The following ADAMTS9 variants were observed in gnomAD, a reference collection of about 807,000 sequenced individuals.
The protein encoded by ADAMTS9 is A disintegrin and metalloproteinase with thrombospondin motifs 9.
Under a neutral mutation model 257.1 loss-of-function variants are expected in ADAMTS9, and 107 were observed. That is an observed-to-expected ratio of 0.42 (90% CI 0.36 to 0.49). The LOEUF is 0.49. ADAMTS9 is among the 20% of genes least tolerant of loss of function. The probability of loss-of-function intolerance (pLI) is 0.03; values close to 1 mark genes in which losing one functional copy is unlikely to be tolerated. For synonymous variants in ADAMTS9, 982 were observed against 880.9 expected (o/e 1.11, Z -2.03); for missense variants, 2,353 against 2,469.1 (o/e 0.95, Z 1.00).
At chr3:64,535,552 CTTT>C (rs57945713) in intron 37 of ADAMTS9, among the ~76,000 whole-genome samples, 30 of 84,668 alleles carry the variant, frequency 3.5e-4, no homozygotes, top group African/African-American at 6.1e-4. Flanking sequence ...CTTTTCTTTT[CTTT>C]TTTTTTTTTT....
rs561621071 is a variant in ADAMTS9 at position 64,638,540 on chromosome 3, C to A, written c.1856+3308G>T. On this transcript the variant is annotated intron_variant, in intron 12 of 39. Coordinates refer to ENST00000498707, the MANE Select transcript of ADAMTS9 (RefSeq NM_182920.2). ...TCAGGGCAACAGATAGAACAAGGGA[C>A]TGTCCTTGTAAACCAGAACTATGAT... Among the ~76,000 whole-genome samples the A allele has an allele frequency of 8.2e-4, 125 of 152,266 alleles. 1 individual carries two copies. Among genetic ancestry groups the A allele is most frequent in the African/African-American group, 2.9e-3 (120 of 41,556 alleles).
chr3:64,614,077 G>T (rs73832348), intron 21 of ADAMTS9, among the ~76,000 whole-genome samples: 1 of 151,950 alleles, frequency 6.6e-6, no homozygotes, highest in African/African-American at 2.4e-5. Context: ...CCAAAATCTC[G>T]CTACCCAAGG....
At chr3:64,561,065 C>CTTCTTTT (rs1553703268) in intron 30 of ADAMTS9, among the ~76,000 whole-genome samples, 1 of 83,598 alleles carries the variant, frequency 1.2e-5, no homozygotes, top group Non-Finnish European at 3.4e-5. Flanking sequence ...AGATACCATC[C>CTTCTTTT]TTTTTTTTTT....
chr3:64,568,559 G>A, intron 28 of ADAMTS9, 24 bp from the exon 29 acceptor site: 1 of 1,606,928 alleles, frequency 6.2e-7, no homozygotes, highest in Non-Finnish European at 8.5e-7. Context: ...CAATGGCAAG[G>A]TTGTTGTTGT....
rs758466732 is a variant in ADAMTS9 at position 64,647,988 on chromosome 3, C to T, written c.1662G>A (p.Arg554=). The change falls in exon 11 of 40, where the codon CGG becomes CGA. Residue 554 remains arginine (R), a synonymous_variant. Coordinates refer to ENST00000498707, the MANE Select transcript of ADAMTS9 (RefSeq NM_182920.2). ...NNVNGVHKGC[R]TQHTPWADGT... Reference sequence around the variant, plus strand: ...CATCGGCCCAGGGTGTGTGCTGAGTCCGGCAGCCTTTGTGTACTCCATTGA... The same window carrying T: ...CATCGGCCCAGGGTGTGTGCTGAGTTCGGCAGCCTTTGTGTACTCCATTGA... 7 of 1,613,788 alleles carry T rather than the reference C, an allele frequency of 4.3e-6. No individual in the cohort carries two copies. In the African/African-American group the frequency reaches 8.0e-5, roughly 18 times the overall value.
intron 37 of ADAMTS9, among the ~76,000 whole-genome samples, chr3:64,536,043 G>C (rs933482586): frequency 1.3e-5 from 2 of 152,108 alleles, no homozygotes; most frequent in South Asian, 4.1e-4. Context: ...GAAGTTTTCC[G>C]GAGGTCCAGG....
chr3:64,597,591 T>G (rs2084388954), intron 26 of ADAMTS9, among the ~76,000 whole-genome samples: 1 of 152,170 alleles, frequency 6.6e-6, no homozygotes, highest in Non-Finnish European at 1.5e-5. Context: ...GTAGTAAGAC[T>G]TGTTTTATTT....
At chr3:64,651,360 T>G (rs2106947628) in intron 8 of ADAMTS9, among the ~76,000 whole-genome samples, 197 bp from the exon 9 acceptor site, 1 of 151,868 alleles carries the variant, frequency 6.6e-6, no homozygotes, top group Admixed American at 6.6e-5. Flanking sequence ...CTCACCCAAC[T>G]TAATACGAAG....
intron 22 of ADAMTS9, among the ~76,000 whole-genome samples, chr3:64,612,796 A>G (rs990358121): frequency 1.1e-4 from 17 of 152,204 alleles, no homozygotes; most frequent in African/African-American, 4.1e-4. Context: ...GAATAGCTCA[A>G]GTTAAGACTG....
At chr3:64,672,494 C>T (rs994594690) in intron 3 of ADAMTS9, among the ~76,000 whole-genome samples, 1 of 152,116 alleles carries the variant, frequency 6.6e-6, no homozygotes, top group Non-Finnish European at 1.5e-5. Flanking sequence ...ACAAGCCTGG[C>T]TAACATGGCA....
At chr3:64,610,354 C>A (rs1299891331) in intron 22 of ADAMTS9, among the ~76,000 whole-genome samples, 1 of 152,086 alleles carries the variant, frequency 6.6e-6, no homozygotes, top group Non-Finnish European at 1.5e-5. Flanking sequence ...AATCATATCT[C>A]TGATAAGGAA....
chr3:64,563,436 A>C (rs2106656910), intron 29 of ADAMTS9: 1 of 152,334 alleles, frequency 6.6e-6, no homozygotes, highest in Admixed American at 6.5e-5. Context: ...AGTTTGGTAT[A>C]GGACTCAACT....
intron 28 of ADAMTS9, among the ~76,000 whole-genome samples, chr3:64,579,275 C>T (rs1056979380): frequency 2.6e-5 from 4 of 152,188 alleles, no homozygotes; most frequent in South Asian, 2.1e-4. Flanking sequence ...ATACTCTTCT[C>T]CCAGATACTT....
chr3:64,674,026 T>C (rs7650709), intron 3 of ADAMTS9, among the ~76,000 whole-genome samples: 60,125 of 151,642 alleles, frequency 0.4, 12,113 homozygotes, highest in African/African-American at 0.44. Flanking sequence ...ACAATTCCTG[T>C]ATTAGAAGTT....
At chr3:64,631,377 C>A (rs1700363641) in intron 16 of ADAMTS9, 78 bp downstream of exon 16, 5 of 1,156,136 alleles carry the variant, frequency 4.3e-6, no homozygotes, top group Middle Eastern at 2.0e-4. Flanking sequence ...CCTCTGCATG[C>A]CAGAGAAGGA....
intron 31 of ADAMTS9, 197 bp downstream of exon 31, chr3:64,550,695 A>C (rs1019383515): frequency 9.5e-5 from 59 of 618,898 alleles, no homozygotes; most frequent in Non-Finnish European, 2.8e-5. Flanking sequence ...ACCATCTCTT[A>C]CATCTCTCCC....
Position 64,556,709 on chromosome 3 carries a change from GT to G in ADAMTS9, c.4698+4868del, listed in dbSNP as rs904753268. 2.9e-5 allele frequency among the ~76,000 whole-genome samples: 3 copies of G among 103,320 alleles called. No homozygotes were observed. The East Asian group carries it at 7.2e-4, about 25-fold the overall frequency. 67.8% of individuals were successfully genotyped at this position (103,320 alleles called of 152,430 possible). On this transcript the variant is annotated intron_variant, in intron 30 of 39. Transcript: ENST00000498707. ...CATCAATTAGCAGGCACTGTTCTAT[GT>G]TTTTTTCCTTCCTTCCTTCCTTCCT...
chr3:64,558,654 C>T (rs1244106898), intron 30 of ADAMTS9, among the ~76,000 whole-genome samples: 6 of 152,084 alleles, frequency 3.9e-5, no homozygotes, highest in African/African-American at 1.2e-4. Context: ...GAGGATGGTG[C>T]CATATCCTAC....
chr3:64,603,208 A>G lies in ADAMTS9; in HGVS notation c.3747+714T>C, dbSNP rs764242866. ...GACTTAAACCACATTGCTCAAGGCCATGCAACAAGTAAATGCCAAGGTCTG... is the reference window on the plus strand; with the variant it reads ...GACTTAAACCACATTGCTCAAGGCCGTGCAACAAGTAAATGCCAAGGTCTG... On this transcript the variant is annotated intron_variant, in intron 25 of 39. Transcript: ENST00000498707. Among the ~76,000 whole-genome samples the G allele has an allele frequency of 2.6e-4, 40 of 152,338 alleles. 1 individual carries two copies. The highest frequency in any genetic ancestry group is 9.1e-4 in the Admixed American group (14 of 15,302).
Sources: gnomAD v4.1 joint callset for allele counts (sites outside exome capture counted in the v4.1 genomes callset) on GRCh38, gnomAD v4.1.1 for gene constraint, MANE v1.5 for transcripts, NCBI Gene and HGNC (gene_info 2026-07-23, HGNC 2026-07-21) for gene names.